The following DOCK1 variants were observed in gnomAD, a reference collection of about 807,000 sequenced individuals.
DOCK1 encodes the protein dedicator of cytokinesis protein 1.
In DOCK1, 138 loss-of-function variants were observed where a neutral mutation model predicts 262.7. The observed-to-expected ratio is 0.53, with a 90% confidence interval of 0.46 to 0.61. The LOEUF (loss-of-function observed/expected upper bound fraction) is 0.61, where lower values mean the gene tolerates loss of function less well. Among genes scored for constraint, DOCK1 ranks in the 20% least tolerant of loss-of-function variants. DOCK1 has a pLI of 0.00. For synonymous variants in DOCK1, 866 were observed against 867.4 expected, an observed-to-expected ratio of 1.00 and a Z score of 0.03; for missense variants, 1,908 against 2,370.7, an observed-to-expected ratio of 0.80 and a Z score of 4.05.
intron 35 of DOCK1, among the ~76,000 whole-genome samples, chr10:127,377,651 G>C (rs988566705): frequency 2.0e-5 from 3 of 151,980 alleles, no homozygotes; most frequent in African/African-American, 4.8e-5. Context: ...TTGCACTTTG[G>C]GAGGCCAAGG....
At chr10:127,333,622 C>T (rs764353004) in intron 29 of DOCK1, among the ~76,000 whole-genome samples, 46 of 152,324 alleles carry the variant, frequency 3.0e-4, no homozygotes, top group Non-Finnish European at 5.6e-4. Flanking sequence ...ATCCATCCAC[C>T]CGCCCTTTTT....
In DOCK1 at chr10:127,267,622, C is replaced by T. The variant is rs1245448245; in HGVS notation, c.3044+10193C>T. ...TGTTTAAGAATTCTCAGAGATCACG[C>T]GCACCTCGTCGGGAGTGCCTGGCTG... On this transcript the variant is annotated intron_variant, in intron 29 of 51. Coordinates refer to ENST00000623213, the MANE Select transcript of DOCK1 (RefSeq NM_001290223.2). Among the ~76,000 whole-genome samples, 3 of 152,322 alleles carry T rather than the reference C, an allele frequency of 2.0e-5. No individual in the cohort carries two copies. In the South Asian group the frequency reaches 6.2e-4, roughly 32 times the overall value.
chr10:127,339,614 A>AGTGTGT (rs1400897768), intron 30 of DOCK1, among the ~76,000 whole-genome samples: 3 of 143,820 alleles, frequency 2.1e-5, no homozygotes, highest in Admixed American at 6.8e-5. Flanking sequence ...AGAGAGAGAG[A>AGTGTGT]GTGTGTGTGT....
chr10:127,078,736 G>A lies in DOCK1; in HGVS notation c.2445+16960G>A, dbSNP rs558056294. Among the ~76,000 whole-genome samples the A allele has an allele frequency of 1.1e-3, 173 of 152,276 alleles. 1 individual carries two copies. Among genetic ancestry groups the A allele is most frequent in the African/African-American group, 4.0e-3 (167 of 41,564 alleles). On this transcript the variant is annotated intron_variant, in intron 23 of 51. Coordinates refer to ENST00000623213, the MANE Select transcript of DOCK1 (RefSeq NM_001290223.2). ...CAACAAGTAGATAAAGAACATGATG[G>A]AGTACTACTTAGCCATAAAAAGGAA...
chr10:127,416,247 C>G (rs1352114762), intron 44 of DOCK1, among the ~76,000 whole-genome samples: 1 of 152,246 alleles, frequency 6.6e-6, no homozygotes, highest in Non-Finnish European at 1.5e-5. Flanking sequence ...GTGCCCCTAG[C>G]AGCCAGGCAG....
intron 27 of DOCK1, among the ~76,000 whole-genome samples, chr10:127,158,828 C>T (rs1292503268): frequency 6.6e-6 from 1 of 152,168 alleles, no homozygotes; most frequent in Non-Finnish European, 1.5e-5. Context: ...CTTAACAATG[C>T]ATATAGCTTG....
intron 1 of DOCK1, among the ~76,000 whole-genome samples, chr10:126,918,980 C>T (rs746758184): frequency 1.1e-4 from 16 of 151,448 alleles, no homozygotes; most frequent in South Asian, 2.1e-4. Context: ...AGGAGAAAGC[C>T]GAGAGGGAGT....
chr10:127,209,081 C>G (rs940858257), intron 27 of DOCK1, among the ~76,000 whole-genome samples: 4 of 152,148 alleles, frequency 2.6e-5, no homozygotes, highest in Middle Eastern at 3.2e-3. Context: ...AATTTATCTT[C>G]TCACTGCATA....
At chr10:127,261,787 G>A (rs1293300062) in intron 29 of DOCK1, among the ~76,000 whole-genome samples, 2 of 138,512 alleles carry the variant, frequency 1.4e-5, no homozygotes, top group Non-Finnish European at 3.1e-5. Context: ...GTGTGTACCT[G>A]CATGTGTGTG....
At chr10:126,965,721 G>C (rs2037623617) in intron 1 of DOCK1, among the ~76,000 whole-genome samples, 1 of 152,110 alleles carries the variant, frequency 6.6e-6, no homozygotes, top group East Asian at 1.9e-4. Flanking sequence ...TTCCCTGAAT[G>C]GGTGTTACAT....
chr10:126,970,691 T>C lies in DOCK1; in HGVS notation c.47-11T>C. Reference sequence around the variant, plus strand: ...ACTATTACTAATATATTTCCCCTTTTTTCATCACAGCTTTTTATAACTATG... The same window carrying C: ...ACTATTACTAATATATTTCCCCTTTCTTCATCACAGCTTTTTATAACTATG... On this transcript the variant is annotated splice_polypyrimidine_tract_variant and intron_variant, in intron 1 of 51. Coordinates refer to ENST00000623213, the MANE Select transcript of DOCK1 (RefSeq NM_001290223.2). 6.2e-7 allele frequency: 1 copy of C among 1,605,700 alleles called. No homozygotes were observed. Among genetic ancestry groups the C allele is most frequent in the South Asian group, 1.1e-5 (1 of 90,644 alleles).
At chr10:127,030,626 T>A (rs2043171215) in intron 16 of DOCK1, among the ~76,000 whole-genome samples, 1 of 152,228 alleles carries the variant, frequency 6.6e-6, no homozygotes, top group African/African-American at 2.4e-5. Flanking sequence ...GTTGACTGTC[T>A]CCCAAAGTGG....
At chr10:127,435,572 A>G (rs936448005) in intron 48 of DOCK1, among the ~76,000 whole-genome samples, 1 of 152,200 alleles carries the variant, frequency 6.6e-6, no homozygotes, top group Non-Finnish European at 1.5e-5. Context: ...ATTTAATTCA[A>G]CTTCTCCCCG....
chr10:127,133,102 G>A (rs1406315045), intron 27 of DOCK1, among the ~76,000 whole-genome samples: 1 of 152,208 alleles, frequency 6.6e-6, no homozygotes, highest in Non-Finnish European at 1.5e-5. Context: ...GTGTTTCATT[G>A]TGACAACAGC....
At chr10:127,388,433 A>G (rs572849370) in intron 38 of DOCK1, among the ~76,000 whole-genome samples, 2 of 152,356 alleles carry the variant, frequency 1.3e-5, no homozygotes, top group East Asian at 3.9e-4. Flanking sequence ...ATTTGATAAA[A>G]TGAAATTTGA....
intron 4 of DOCK1, 58 bp from the exon 5 acceptor site, chr10:126,987,463 T>C (rs2039489788): frequency 1.4e-6 from 2 of 1,402,108 alleles, no homozygotes; most frequent in Admixed American, 4.1e-5. Flanking sequence ...TACCAGGTAC[T>C]ACTCATAGCA....
At chr10:127,153,282 G>A (rs1564846042) in intron 27 of DOCK1, among the ~76,000 whole-genome samples, 1 of 152,170 alleles carries the variant, frequency 6.6e-6, no homozygotes, top group South Asian at 2.1e-4. Flanking sequence ...GCTTCTTCCT[G>A]TTGGGAGTTT....
chr10:127,101,489 G>T (rs1273314089), intron 23 of DOCK1, among the ~76,000 whole-genome samples: 1 of 152,182 alleles, frequency 6.6e-6, no homozygotes, highest in Non-Finnish European at 1.5e-5. Context: ...CATCTTGGTC[G>T]GTTAAGCAGA....
chr10:127,128,478 C>G (rs1045854108), intron 27 of DOCK1, among the ~76,000 whole-genome samples: 1 of 151,766 alleles, frequency 6.6e-6, no homozygotes, highest in Non-Finnish European at 1.5e-5. Context: ...ACCTATCAAC[C>G]CATCATCTAG....
Sources: gnomAD v4.1 joint callset for allele counts (sites outside exome capture counted in the v4.1 genomes callset) on GRCh38, gnomAD v4.1.1 for gene constraint, MANE v1.5 for transcripts, NCBI Gene and HGNC (gene_info 2026-07-23, HGNC 2026-07-21) for gene names.